The following ABCG1 variants were observed in gnomAD, a reference collection of about 807,000 sequenced individuals.
The protein encoded by ABCG1 is ATP-binding cassette sub-family G member 1.
Under a neutral mutation model 69.2 loss-of-function variants are expected in ABCG1, and 29 were observed. The ratio of observed to expected loss-of-function variants is 0.42; its 90% CI spans 0.31 to 0.57. The LOEUF is 0.57. ABCG1 is among the 20% of genes least tolerant of loss of function. The pLI is 0.15. For synonymous variants in ABCG1, 370 were observed against 374.8 expected, an observed-to-expected ratio of 0.99 and a Z score of 0.15; for missense variants, 718 against 898.1, an observed-to-expected ratio of 0.80 and a Z score of 2.56.
rs141797335 is a variant in ABCG1 at position 42,203,015 on chromosome 21, C to T, written c.48+1292C>T. Among the ~76,000 whole-genome samples, 1,249 of 152,294 alleles carry T rather than the reference C, an allele frequency of 8.2e-3. 25 individuals are homozygous for T. Among genetic ancestry groups the T allele is most frequent in the African/African-American group, 0.028 (1,176 of 41,548 alleles). ...AATAGAAAACCCAGAATCACACCCA[C>T]TCAAAGATACAAAGCAAATCAGTGC... is the stretch of plus-strand genomic sequence containing the variant. On this transcript the variant is annotated intron_variant, in intron 2 of 15. Transcript: ENST00000398457.
chr21:42,285,340 A>G (rs1481915535), intron 7 of ABCG1, among the ~76,000 whole-genome samples: 1 of 150,974 alleles, frequency 6.6e-6, no homozygotes, highest in Non-Finnish European at 1.5e-5. Flanking sequence ...TCTACAAAAG[A>G]AAAAAAAATA....
rs1405595949 is a variant in ABCG1, at chr21:42,273,945, C to T, written c.537+510C>T. Among the ~76,000 whole-genome samples the T allele has an allele frequency of 6.6e-6, 1 of 152,152 alleles. No homozygotes were observed. The highest frequency in any genetic ancestry group is 1.5e-5 in the Non-Finnish European group (1 of 68,014). On this transcript the variant is annotated intron_variant, in intron 4 of 14. Coordinates refer to ENST00000398449, the MANE Select transcript of ABCG1 (RefSeq NM_016818.3). The surrounding 1 kb of genome is among the most constrained non-coding windows in gnomAD (Gnocchi z 5.3). The stretch of plus-strand genomic sequence containing the variant: ...CATCTCCTGGGTCCCAGGCCCTGAG[C>T]ACATAGCTCTACACACACCAGATAT...
intron 2 of ABCG1, 148 bp downstream of exon 2, chr21:42,226,062 C>A: frequency 1.0e-6 from 1 of 952,382 alleles, no homozygotes. Flanking sequence ...TATTCTATTG[C>A]TTTCTGCCTG....
intron 2 of ABCG1, among the ~76,000 whole-genome samples, chr21:42,237,846 G>A (rs1387673924): frequency 1.3e-5 from 2 of 152,188 alleles, no homozygotes; most frequent in South Asian, 4.1e-4. Flanking sequence ...TGGACAGAGG[G>A]GTGGCTGGGG....
chr21:42,209,767 G>A (rs781496350), intron 2 of ABCG1, among the ~76,000 whole-genome samples: 4 of 152,178 alleles, frequency 2.6e-5, no homozygotes, highest in East Asian at 1.9e-4. Flanking sequence ...ACTATGTGCC[G>A]GCCATGGCTT....
At chr21:42,222,959 AC>A (rs1241277537) in intron 1 of ABCG1, among the ~76,000 whole-genome samples, 1 of 151,654 alleles carries the variant, frequency 6.6e-6, no homozygotes, top group Admixed American at 6.6e-5. Context: ...GGCCACCATC[AC>A]CCCACCTGGC....
At position 42,291,097 on chromosome 21, in the gene ABCG1, C is replaced by T; in HGVS notation, c.1399C>T (p.Leu467=). The stretch of plus-strand genomic sequence containing the variant: ...TTTGCTTTTCTATCTCCTAGTTCCC[C>T]TGGAGATGGGAGTCTTTCTTCGGGA... ...ALMPTVLTFP[L]EMGVFLREHL... Residue 467 remains leucine, a synonymous_variant, in exon 12 of 15, where the codon CTG becomes TTG. Coordinates refer to ENST00000398449, the MANE Select transcript of ABCG1 (RefSeq NM_016818.3). The surrounding 1 kb of genome is among the most constrained non-coding windows in gnomAD (Gnocchi z 6.4). 6.2e-7 allele frequency: 1 copy of T among 1,612,756 alleles called. No homozygotes were observed. The highest frequency in any genetic ancestry group is 1.7e-5 in the Admixed American group (1 of 60,006).
intron 2 of ABCG1, among the ~76,000 whole-genome samples, chr21:42,232,589 T>A (rs1206261275): frequency 6.6e-6 from 1 of 152,218 alleles, no homozygotes; most frequent in Non-Finnish European, 1.5e-5. Flanking sequence ...GACTGTGCTC[T>A]GCTCCGTGGG....
intron 1 of ABCG1, among the ~76,000 whole-genome samples, chr21:42,222,620 C>G (rs568777848): frequency 6.6e-6 from 1 of 152,268 alleles, no homozygotes; most frequent in East Asian, 1.9e-4. Context: ...CAATTCAGAC[C>G]ATGTCTCTGT....
chr21:42,283,647 G>A (rs1266490298), intron 6 of ABCG1, among the ~76,000 whole-genome samples: 7 of 150,206 alleles, frequency 4.7e-5, no homozygotes, highest in Admixed American at 6.7e-5. Flanking sequence ...GGACAGTTGT[G>A]AAGTCCCCCC....
intron 4 of ABCG1, among the ~76,000 whole-genome samples, chr21:42,275,773 T>C (rs2068698687): frequency 6.6e-6 from 1 of 152,256 alleles, no homozygotes; most frequent in Non-Finnish European, 1.5e-5. Context: ...AGAAATACTC[T>C]GAGGCTATGG....
chr21:42,251,857 C>A (rs767678772), intron 2 of ABCG1, among the ~76,000 whole-genome samples: 1 of 152,218 alleles, frequency 6.6e-6, no homozygotes, highest in Non-Finnish European at 1.5e-5. Flanking sequence ...CATGTGCAGG[C>A]CCAAAGTCCT....
intron 2 of ABCG1, chr21:42,259,217 G>A: frequency 7.0e-7 from 1 of 1,438,068 alleles, no homozygotes; most frequent in Non-Finnish European, 9.1e-7. Flanking sequence ...CTGGTGCTGG[G>A]CTCAGCTCCA....
intron 2 of ABCG1, among the ~76,000 whole-genome samples, chr21:42,248,195 A>G (rs1273931207): frequency 6.6e-6 from 1 of 152,152 alleles, no homozygotes; most frequent in Non-Finnish European, 1.5e-5. Context: ...GATTGTCATG[A>G]TCTCCGTCGT....
rs764102938 is a variant in ABCG1, at chr21:42,287,944, G to A, written c.1029G>A (p.Ala343=). 204 of 1,613,122 alleles carry A rather than the reference G, an allele frequency of 1.3e-4. 1 individual carries two copies. The highest frequency in any genetic ancestry group is 1.6e-4 in the Non-Finnish European group (186 of 1,179,458). ...YGDQNSRLVR[A]VREGMCDSDH... is the part of the protein sequence containing the mutation. ...ATCAGAACAGTCGGCTGGTGAGAGC[G>A]GTTCGGGAGGGCATGTGTGACTCAG... Residue 343 remains alanine, a synonymous_variant, in exon 9 of 15, where the codon GCG becomes GCA. Transcript: ENST00000398449. This position sits in a 1 kb window ranked among gnomAD's most constrained non-coding sequence, Gnocchi z 6.2.
intron 2 of ABCG1, chr21:42,259,612 TA>T: frequency 6.9e-7 from 1 of 1,442,436 alleles, no homozygotes; most frequent in South Asian, 1.5e-5. Flanking sequence ...CCTTGTTTCC[TA>T]ACTGTCACTC....
At chr21:42,277,516 G>A (rs374329375) in intron 5 of ABCG1, among the ~76,000 whole-genome samples, 1 of 152,024 alleles carries the variant, frequency 6.6e-6, no homozygotes, top group Admixed American at 6.5e-5. Context: ...AGATGCAGGT[G>A]GGCAGAGCCA....
intron 2 of ABCG1, among the ~76,000 whole-genome samples, chr21:42,269,461 T>C (rs1419922910): frequency 1.3e-5 from 2 of 152,160 alleles, no homozygotes; most frequent in African/African-American, 4.8e-5. Context: ...GCTGTGTGTT[T>C]GTAAGCATTG....
In ABCG1 at chr21:42,225,825, TCTC is replaced by T. The variant is rs773627673; in HGVS notation, c.203_205del (p.Ser68del). The T allele has an allele frequency of 1.4e-5, 22 of 1,613,806 alleles. 1 individual carries two copies. The highest frequency in any genetic ancestry group is 3.3e-4 in the Middle Eastern group (2 of 6,072). ...AATAACCTCACGGAAGCCCAGCGCT[TCTC>T]CTCCTTGCCTCGGAGGGCAGCTGTG... On this transcript the variant is annotated inframe_deletion, in exon 2 of 15. Transcript: ENST00000398449.
Sources: gnomAD v4.1 joint callset for allele counts (sites outside exome capture counted in the v4.1 genomes callset) on GRCh38, gnomAD v4.1.1 for gene constraint, Gnocchi (gnomAD v3.1) non-coding constraint, MANE v1.5 for transcripts, NCBI Gene and HGNC (gene_info 2026-07-23, HGNC 2026-07-21) for gene names.